APOBEC1: variants seen among roughly 807,000 people sequenced by gnomAD.
APOBEC1 encodes apolipoprotein B mRNA editing enzyme catalytic subunit 1.
In APOBEC1, 22 loss-of-function variants were observed where a neutral mutation model predicts 26.3. The observed-to-expected ratio is 0.84, with a 90% confidence interval of 0.60 to 1.19. The LOEUF is 1.19. APOBEC1 is among the 50% of genes most tolerant of loss of function. The pLI, the probability that APOBEC1 is intolerant of heterozygous loss-of-function variation, is 0.00. For missense variants in APOBEC1, 253 were observed against 289.0 expected, an observed-to-expected ratio of 0.88 and a Z score of 0.90; for synonymous variants, 77 against 95.3, an observed-to-expected ratio of 0.81 and a Z score of 1.12.
intron 1 of APOBEC1, among the ~76,000 whole-genome samples, chr12:7,660,375 G>GGACAGAAAGAAAGAAAGAAAGAAA (rs1863794824): frequency 4.2e-5 from 1 of 23,950 alleles, no homozygotes; most frequent in African/African-American, 1.3e-4. Flanking sequence ...AAGGAAGGAA[G>GGACAGAAAGAAAGAAAGAAAGAAA]GAAAGAAAGA....
intron 1 of APOBEC1, among the ~76,000 whole-genome samples, chr12:7,656,064 T>A (rs553478516): frequency 7.2e-5 from 11 of 152,262 alleles, no homozygotes; most frequent in South Asian, 4.1e-4. Context: ...CTCAAACTCC[T>A]GAGCTCAAGA....
Position 7,649,439 on chromosome 12 carries a change from A to C in APOBEC1, c.*108T>G. 2.5e-6 allele frequency: 3 copies of C among 1,220,280 alleles called. No homozygotes were observed. Among genetic ancestry groups the C allele is most frequent in the Non-Finnish European group, 3.5e-6 (3 of 866,030 alleles). The allele number at this position is 1,220,280 out of a possible 1,614,324, so 75.6% of individuals were successfully genotyped here. A position where few individuals can be genotyped will look rare whatever the true frequency, so the allele number is the denominator to read the frequency against. On this transcript the variant is annotated 3_prime_UTR_variant, in exon 5 of 5. Coordinates refer to ENST00000229304, the MANE Select transcript of APOBEC1 (RefSeq NM_001644.5). ...CATATTTATTGTTGGTTTAAGCTAC[A>C]GAGTTTTGGGGTACCTTGTGAACAT...
At chr12:7,651,762 C>T (rs914114359) in intron 3 of APOBEC1, among the ~76,000 whole-genome samples, 1 of 151,694 alleles carries the variant, frequency 6.6e-6, no homozygotes, top group Non-Finnish European at 1.5e-5. Flanking sequence ...CCTACCTCAG[C>T]CTTTAAAGGT....
chr12:7,665,805 ACC>A, intron 1 of APOBEC1, 50 bp downstream of exon 1: 12 of 1,376,444 alleles, frequency 8.7e-6, no homozygotes, highest in Non-Finnish European at 1.2e-5. Context: ...ACACACACAC[ACC>A]ATTCTTGCAT....
intron 1 of APOBEC1, among the ~76,000 whole-genome samples, chr12:7,662,246 G>C (rs754268157): frequency 2.0e-5 from 3 of 152,206 alleles, no homozygotes; most frequent in African/African-American, 4.8e-5. Context: ...CTGGGCGACA[G>C]AGCAAGACGT....
rs1175719301 is a variant in APOBEC1, at chr12:7,652,576, C to A, written c.304G>T (p.Glu102Ter). Residue 102 changes from glutamate to a stop codon, truncating the protein, a stop_gained, in exon 3 of 5, where the codon GAG becomes TAG. Transcript: ENST00000229304. LOFTEE classifies it high-confidence loss of function. ...PCWECSQAIR[E>*]FLSRHPGVTL... The stretch of plus-strand genomic sequence containing the variant: ...ACACCAGGGTGCCGACTCAGAAACT[C>A]TCTAATAGCCTGGGAGCATTCCCAG... 3.7e-6 allele frequency: 6 copies of A among 1,614,226 alleles called. No homozygotes were observed. The highest frequency in any genetic ancestry group is 5.1e-6 in the Non-Finnish European group (6 of 1,180,042).
At chr12:7,651,549 T>C (rs1056967259) in intron 3 of APOBEC1, among the ~76,000 whole-genome samples, 2 of 149,886 alleles carry the variant, frequency 1.3e-5, no homozygotes, top group East Asian at 2.0e-4. Context: ...CAGGTGGAGC[T>C]TGCAGTGAGT....
chr12:7,663,006 C>T (rs1863841667), intron 1 of APOBEC1, among the ~76,000 whole-genome samples: 2 of 152,134 alleles, frequency 1.3e-5, no homozygotes, highest in South Asian at 2.1e-4. Context: ...ACCTGCGCCT[C>T]TCAGGACTCA....
At position 7,660,400 on chromosome 12, in the gene APOBEC1, G is replaced by GAAAGAAAGAAAGAAAGAAA. The variant is rs1565442481; in HGVS notation, c.16+5456_16+5457insTTTCTTTCTTTCTTTCTTT. Reference sequence around the variant, plus strand: ...GGAAAGAAAGAAAGAAAGAAAGAAAGAAAGAAAGAAAGAGAGGGTATTTGG... The same window carrying GAAAGAAAGAAAGAAAGAAA: ...GGAAAGAAAGAAAGAAAGAAAGAAAGAAAGAAAGAAAGAAAGAAAAAAGAAAGAAAGAGAGGGTATTTGG... On this transcript the variant is annotated intron_variant, in intron 1 of 4. Transcript: ENST00000229304. Among the ~76,000 whole-genome samples the GAAAGAAAGAAAGAAAGAAA allele has an allele frequency of 1.2e-3, 124 of 101,610 alleles. 3 individuals carry two copies. Among genetic ancestry groups the GAAAGAAAGAAAGAAAGAAA allele is most frequent in the African/African-American group, 4.1e-3 (117 of 28,258 alleles). The allele number at this position is 101,610 out of a possible 152,430, so 66.7% of individuals were successfully genotyped here. A position where few individuals can be genotyped will look rare whatever the true frequency, so the allele number is the denominator to read the frequency against.
At chr12:7,660,556 A>T (rs1023770574) in intron 1 of APOBEC1, among the ~76,000 whole-genome samples, 1 of 151,244 alleles carries the variant, frequency 6.6e-6, no homozygotes, top group Non-Finnish European at 1.5e-5. Context: ...ACAAAAAATT[A>T]GCCAGGCATG....
At chr12:7,664,389 C>T (rs1344090931) in intron 1 of APOBEC1, among the ~76,000 whole-genome samples, 3 of 152,188 alleles carry the variant, frequency 2.0e-5, no homozygotes, top group Admixed American at 1.3e-4. Flanking sequence ...GATATTCCCT[C>T]TACCATAAAG....
Position 7,652,525 on chromosome 12 carries a change from G to T in APOBEC1, c.355C>A (p.Leu119Ile). 1 of 1,614,152 alleles carries T rather than the reference G, an allele frequency of 6.2e-7. No homozygotes were observed. The highest frequency in any genetic ancestry group is 8.5e-7 in the Non-Finnish European group (1 of 1,180,002). The change falls in exon 3 of 5, where the codon CTT becomes ATT. Residue 119 changes from leucine (L) to isoleucine (I), a missense_variant. Leu to Ile is a conservative substitution (Grantham distance 5). Coordinates refer to ENST00000229304, the MANE Select transcript of APOBEC1 (RefSeq NM_001644.5). ...GVTLVIYVAR[L>I]FWHMDQQNRQ... Reference sequence around the variant, plus strand: ...TTTTGTTGATCCATGTGCCAAAAAAGCCGAGCTACGTAGATCACTAGAGTC... The same window carrying T: ...TTTTGTTGATCCATGTGCCAAAAAATCCGAGCTACGTAGATCACTAGAGTC...
chr12:7,668,138 G>A (rs1863915901), upstream of APOBEC1, among the ~76,000 whole-genome samples: 1 of 152,056 alleles, frequency 6.6e-6, no homozygotes. Flanking sequence ...GATGCGAAAT[G>A]GAGATATGAG....
At chr12:7,664,092 T>G (rs1333227309) in intron 1 of APOBEC1, among the ~76,000 whole-genome samples, 1 of 152,124 alleles carries the variant, frequency 6.6e-6, no homozygotes, top group Non-Finnish European at 1.5e-5. Context: ...CTACCTCAGG[T>G]GATCCGCCTG....
chr12:7,667,910 T>TA (rs766377169), upstream of APOBEC1, among the ~76,000 whole-genome samples: 12,355 of 65,242 alleles, frequency 0.19, 614 homozygotes, highest in Middle Eastern at 0.34. Flanking sequence ...AGACTACGTC[T>TA]AAAAAAAAAA....
At chr12:7,654,167 G>A (rs1427238929) in intron 2 of APOBEC1, among the ~76,000 whole-genome samples, 3 of 151,766 alleles carry the variant, frequency 2.0e-5, no homozygotes, top group South Asian at 2.1e-4. Context: ...AAAAGCATGC[G>A]ATTTAAAAAA....
At chr12:7,660,367 G>A (rs56846950) in intron 1 of APOBEC1, among the ~76,000 whole-genome samples, 2,999 of 13,672 alleles carry the variant, frequency 0.22, 38 homozygotes, top group Non-Finnish European at 0.35. Flanking sequence ...AAGGAAGGAA[G>A]GAAGGAAGGA....
intron 1 of APOBEC1, among the ~76,000 whole-genome samples, chr12:7,655,532 A>C (rs1460176330): frequency 6.6e-6 from 1 of 151,974 alleles, no homozygotes; most frequent in African/African-American, 2.4e-5. Context: ...AAAGAAAGAA[A>C]GAAATGGAAA....
chr12:7,663,953 T>G (rs1863858561), intron 1 of APOBEC1, among the ~76,000 whole-genome samples: 1 of 152,004 alleles, frequency 6.6e-6, no homozygotes, highest in Non-Finnish European at 1.5e-5. Context: ...GCCTCCCTGG[T>G]TCAAGTGATT....
Sources: allele counts gnomAD v4.1 joint callset (sites outside exome capture counted in the v4.1 genomes callset), GRCh38; gene constraint gnomAD v4.1.1; transcripts MANE v1.5; gene names NCBI Gene and HGNC (gene_info 2026-07-23, HGNC 2026-07-21).